The following EPHB3 variants were observed in gnomAD, a reference collection of about 807,000 sequenced individuals.
EPHB3 encodes EPH receptor B3.
A neutral mutation model predicts 100.2 loss-of-function variants in EPHB3; 33 were observed. The ratio of observed to expected loss-of-function variants is 0.33; its 90% CI spans 0.25 to 0.44. The LOEUF is 0.44. Ranked by LOEUF, EPHB3 falls within the 20% of genes least tolerant of loss-of-function variation. The pLI is 1.00. For missense variants in EPHB3, 1,045 were observed against 1,378.3 expected (o/e 0.76, Z 3.83); for synonymous variants, 526 against 554.7 (o/e 0.95, Z 0.73).
chr3:184,575,277 C>G, intron 3 of EPHB3: 1 of 972,662 alleles, frequency 1.0e-6, no homozygotes, highest in Non-Finnish European at 1.2e-6. Flanking sequence ...TTTCTCTCCT[C>G]CTCTCACCCG....
intron 1 of EPHB3, among the ~76,000 whole-genome samples, chr3:184,567,818 C>T (rs779358503): frequency 7.2e-5 from 11 of 152,116 alleles, no homozygotes; most frequent in Non-Finnish European, 1.5e-4. Flanking sequence ...CCTCTGTGTG[C>T]GCATATGTTT....
At position 184,562,286 on chromosome 3, in the gene EPHB3, G is replaced by T; in HGVS notation, c.51G>T (p.Leu17=). The change falls in exon 1 of 16, where the codon CTG becomes CTT. Residue 17 remains leucine (L), a synonymous_variant. Transcript: ENST00000330394. This position sits in a 1 kb window ranked among gnomAD's most constrained non-coding sequence, Gnocchi z 4.8. ...CGCCGTCGCCGCCGCCGGGGCTTCTGCCGCTGCTCCCTCCGCTGCTGCTGC... is the reference window on the plus strand; with the variant it reads ...CGCCGTCGCCGCCGCCGGGGCTTCTTCCGCTGCTCCCTCCGCTGCTGCTGC... ...PPPPSPPPGL[L]PLLPPLLLLP... 8.1e-7 allele frequency: 1 copy of T among 1,231,378 alleles called. No individual in the cohort carries two copies. The highest frequency in any genetic ancestry group is 1.0e-6 in the Non-Finnish European group (1 of 983,650). The allele number at this position is 1,231,378 out of a possible 1,614,324, so 76.3% of individuals were successfully genotyped here.
chr3:184,573,341 G>A lies in EPHB3; in HGVS notation c.856+165G>A, dbSNP rs1714590249. ...GTGGGGATCAGATGCAGAGAATGTT[G>A]TGTAAGGAGGGAGAAGAGAGAGAAA... On this transcript the variant is annotated intron_variant, in intron 3 of 15. Transcript: ENST00000330394. This position sits in a 1 kb window ranked among gnomAD's most constrained non-coding sequence, Gnocchi z 4.5. Among the ~76,000 whole-genome samples the A allele has an allele frequency of 6.6e-6, 1 of 152,096 alleles. No individual in the cohort carries two copies. The highest frequency in any genetic ancestry group is 1.5e-5 in the Non-Finnish European group (1 of 68,030).
At chr3:184,575,693 C>T (rs963713481) in intron 3 of EPHB3, 137 bp from the exon 4 acceptor site, 4 of 1,146,862 alleles carry the variant, frequency 3.5e-6, no homozygotes, top group Non-Finnish European at 4.7e-6. Context: ...TTAGGCAATC[C>T]CAGCATTGCC....
In EPHB3 at chr3:184,563,430, C is replaced by T. The variant is rs577999413; in HGVS notation, c.118+1077C>T. Among the ~76,000 whole-genome samples the T allele has an allele frequency of 4.6e-5, 7 of 152,170 alleles. No homozygotes were observed. The South Asian group carries it at 1.2e-3, about 27-fold the overall frequency. ...TCTAGTTACTTTCTTAGTTTAGGAACGAAAACACGAACTCTGTGGAACTTG... is the reference window on the plus strand; with the variant it reads ...TCTAGTTACTTTCTTAGTTTAGGAATGAAAACACGAACTCTGTGGAACTTG... On this transcript the variant is annotated intron_variant, in intron 1 of 15. Transcript: ENST00000330394. This position sits in a 1 kb window ranked among gnomAD's most constrained non-coding sequence, Gnocchi z 4.1.
chr3:184,581,425 T>C lies in EPHB3; in HGVS notation c.2888+17T>C. 1 of 1,583,078 alleles carries C rather than the reference T, an allele frequency of 6.3e-7. No individual in the cohort carries two copies. Among genetic ancestry groups the C allele is most frequent in the East Asian group, 2.2e-5 (1 of 44,606 alleles). The stretch of plus-strand genomic sequence containing the variant: ...GACGGCAGAGTAAGTGTGCCTCAGA[T>C]TTGGAGGAGCAGGGCAGGGGGCCCT... On this transcript the variant is annotated intron_variant, in intron 15 of 15. Transcript: ENST00000330394.
In EPHB3 at chr3:184,580,964, C is replaced by G; in HGVS notation, c.2539-8C>G. On this transcript the variant is annotated splice_region_variant and splice_polypyrimidine_tract_variant and intron_variant, in intron 13 of 15. Transcript: ENST00000330394. ...GGCTCACTCAGGGTTTCCCTGCCTT[C>G]GGCCCAGGTCATCAATGCCGTGGAG... The G allele has an allele frequency of 6.2e-7, 1 of 1,608,732 alleles. No individual in the cohort carries two copies. Among genetic ancestry groups the G allele is most frequent in the Non-Finnish European group, 8.5e-7 (1 of 1,175,816 alleles).
rs768778880 is a variant in EPHB3 at position 184,576,940 on chromosome 3, C to G, written c.1111C>G (p.Leu371Val). 1 of 1,609,680 alleles carries G rather than the reference C, an allele frequency of 6.2e-7. No homozygotes were observed. The highest frequency in any genetic ancestry group is 8.5e-7 in the Non-Finnish European group (1 of 1,176,872). The change falls in exon 5 of 16, where the codon CTC (leucine) becomes GTC (valine). Residue 371 changes from leucine (L) to valine (V), a missense_variant. Physicochemically the swap from Leu to Val is conservative, Grantham distance 32. Transcript: ENST00000330394. ...CCGGGACCTGGGTGGCCGGGATGACCTCCTGTACAATGTCATCTGCAAGAA... is the reference window on the plus strand; with the variant it reads ...CCGGGACCTGGGTGGCCGGGATGACGTCCTGTACAATGTCATCTGCAAGAA... ...EPRDLGGRDDLLYNVICKKCH... is the reference protein window; with the variant it reads ...EPRDLGGRDDVLYNVICKKCH...
chr3:184,573,716 CTT>C lies in EPHB3; in HGVS notation c.856+557_856+558del, dbSNP rs67295730. 5.2e-4 allele frequency among the ~76,000 whole-genome samples: 72 copies of C among 138,526 alleles called. No homozygotes were observed. The highest frequency in any genetic ancestry group is 6.9e-4 in the South Asian group (3 of 4,354). The allele number at this position is 138,526 out of a possible 152,430, so 90.9% of individuals were successfully genotyped here. On this transcript the variant is annotated intron_variant, in intron 3 of 15. Coordinates refer to ENST00000330394, the MANE Select transcript of EPHB3 (RefSeq NM_004443.4). The surrounding 1 kb of genome is among the most constrained non-coding windows in gnomAD (Gnocchi z 4.5). ...CACTTACGTGACCTTGGGCAAGTTACTTTTTTTTTTTTTTTTTTGAGATGGAG... is the reference window on the plus strand; with the variant it reads ...CACTTACGTGACCTTGGGCAAGTTACTTTTTTTTTTTTTTTTGAGATGGAG...
In EPHB3 at chr3:184,578,367, G is replaced by A. The variant is rs1487110952; in HGVS notation, c.1749-47G>A. 1 of 1,613,316 alleles carries A rather than the reference G, an allele frequency of 6.2e-7. No homozygotes were observed. Among genetic ancestry groups the A allele is most frequent in the Non-Finnish European group, 8.5e-7 (1 of 1,179,722 alleles). On this transcript the variant is annotated intron_variant, in intron 8 of 15. Transcript: ENST00000330394. This position sits in a 1 kb window ranked among gnomAD's most constrained non-coding sequence, Gnocchi z 4.7. Reference sequence around the variant, plus strand: ...CCCAAGGGTGCCCTGAACAAAGGGAGGCAGATGACTTGTCTCAGGCCTGCC... The same window carrying A: ...CCCAAGGGTGCCCTGAACAAAGGGAAGCAGATGACTTGTCTCAGGCCTGCC...
In EPHB3 at chr3:184,569,273, G is replaced by T. The variant is rs1479924652; in HGVS notation, c.119-2045G>T. On this transcript the variant is annotated intron_variant, in intron 1 of 15. Coordinates refer to ENST00000330394, the MANE Select transcript of EPHB3 (RefSeq NM_004443.4). The surrounding 1 kb of genome is among the most constrained non-coding windows in gnomAD (Gnocchi z 5.4). Reference sequence around the variant, plus strand: ...GCCGGCTCCCGGGACTGACACTCGCGCTGCCGGCTGGGGACGAGGCCGCCT... The same window carrying T: ...GCCGGCTCCCGGGACTGACACTCGCTCTGCCGGCTGGGGACGAGGCCGCCT... Among the ~76,000 whole-genome samples the T allele has an allele frequency of 6.6e-6, 1 of 151,954 alleles. No individual in the cohort carries two copies. The highest frequency in any genetic ancestry group is 2.4e-5 in the African/African-American group (1 of 41,376).
chr3:184,579,352 G>A lies in EPHB3; in HGVS notation c.1802-125G>A, dbSNP rs1190635673. 7.0e-7 allele frequency: 1 copy of A among 1,427,344 alleles called. No homozygotes were observed. The highest frequency in any genetic ancestry group is 1.4e-5 in the African/African-American group (1 of 70,432). 88.4% of individuals were successfully genotyped at this position (1,427,344 alleles called of 1,614,324 possible). A position where few individuals can be genotyped will look rare whatever the true frequency, so the allele number is the denominator to read the frequency against. On this transcript the variant is annotated intron_variant, in intron 9 of 15. Coordinates refer to ENST00000330394, the MANE Select transcript of EPHB3 (RefSeq NM_004443.4). The surrounding 1 kb of genome is among the most constrained non-coding windows in gnomAD (Gnocchi z 5.2). ...ACCAGGAGTTCTCATGGGAGCTGGA[G>A]GATTAGGGCAGCAACACAGAGGAAT... is the stretch of plus-strand genomic sequence containing the variant.
chr3:184,565,533 C>T lies in EPHB3; in HGVS notation c.118+3180C>T, dbSNP rs1714363253. On this transcript the variant is annotated intron_variant, in intron 1 of 15. Transcript: ENST00000330394. This position sits in a 1 kb window ranked among gnomAD's most constrained non-coding sequence, Gnocchi z 4.8. Reference sequence around the variant, plus strand: ...GTGGGGCCAGCACGTCCCCCTCCAGCCAAGCCTTGGTAGCTGAGTTGTCAC... The same window carrying T: ...GTGGGGCCAGCACGTCCCCCTCCAGTCAAGCCTTGGTAGCTGAGTTGTCAC... Among the ~76,000 whole-genome samples the T allele has an allele frequency of 6.6e-6, 1 of 152,178 alleles. No homozygotes were observed. The highest frequency in any genetic ancestry group is 6.5e-5 in the Admixed American group (1 of 15,286).
Position 184,576,934 on chromosome 3 carries a change from G to T in EPHB3, c.1105G>T (p.Asp369Tyr). ...TGAGCCCCGGGACCTGGGTGGCCGG[G>T]ATGACCTCCTGTACAATGTCATCTG... ...WSEPRDLGGR[D>Y]DLLYNVICKK... is the part of the protein sequence containing the mutation. Residue 369 changes from aspartate (D) to tyrosine (Y), a missense_variant, in exon 5 of 16, where the codon GAT becomes TAT. Around this residue, in one of 2 missense-constraint regions of EPHB3, gnomAD observed 985 missense variants for 1,331.1 expected, o/e 0.74. Coordinates refer to ENST00000330394, the MANE Select transcript of EPHB3 (RefSeq NM_004443.4). 5.6e-6 allele frequency: 9 copies of T among 1,603,414 alleles called. No individual in the cohort carries two copies. The highest frequency in any genetic ancestry group is 7.7e-6 in the Non-Finnish European group (9 of 1,172,084).
chr3:184,572,642 G>C lies in EPHB3; in HGVS notation c.322G>C (p.Glu108Gln), dbSNP rs1714569288. Residue 108 changes from glutamate to glutamine, a missense_variant, in exon 3 of 16, where the codon GAG becomes CAG. By Grantham distance (29) the Glu-to-Gln change is conservative. Transcript: ENST00000330394. This position sits in a 1 kb window ranked among gnomAD's most constrained non-coding sequence, Gnocchi z 6.6. ...WRRDVQRVYV[E>Q]LKFTVRDCNS... is the part of the protein sequence containing the mutation. ...GCGGGATGTGCAGCGGGTCTACGTG[G>C]AGCTCAAGTTCACTGTGCGTGACTG... The C allele has an allele frequency of 9.6e-6, 15 of 1,567,518 alleles. No homozygotes were observed. Among genetic ancestry groups the C allele is most frequent in the Non-Finnish European group, 1.3e-5 (15 of 1,159,064 alleles).
Position 184,582,277 on chromosome 3 carries a change from T to C in EPHB3, c.*655T>C, listed in dbSNP as rs1139563. 0.036 allele frequency: 2,189 copies of C among 60,206 alleles called. 10 individuals carry two copies. The highest frequency in any genetic ancestry group is 0.11 in the African/African-American group (906 of 8,444). The allele number at this position is 60,206 out of a possible 1,614,324, so 3.7% of individuals were successfully genotyped here. A position where few individuals can be genotyped will look rare whatever the true frequency, so the allele number is the denominator to read the frequency against. On this transcript the variant is annotated 3_prime_UTR_variant, in exon 16 of 16. Coordinates refer to ENST00000330394, the MANE Select transcript of EPHB3 (RefSeq NM_004443.4). ...GAGTGTGTGTGTGTGTGTGTGTGTG[T>C]GCGCGCGCGCGCGCGTGTGTGTGTG...
chr3:184,577,008 T>A lies in EPHB3; in HGVS notation c.1179T>A (p.Asp393Glu). ...GGGCCTCAGCCTGCTCACGCTGTGATGACAACGTGGAGTTTGTGCCTCGGC... is the reference window on the plus strand; with the variant it reads ...GGGCCTCAGCCTGCTCACGCTGTGAAGACAACGTGGAGTTTGTGCCTCGGC... ...AGGASACSRCDDNVEFVPRQL... is the reference protein window; with the variant it reads ...AGGASACSRCEDNVEFVPRQL... Residue 393 changes from aspartate to glutamate, a missense_variant, in exon 5 of 16, where the codon GAT becomes GAA. Physicochemically the swap from Asp to Glu is conservative, Grantham distance 45 (BLOSUM62 2). Coordinates refer to ENST00000330394, the MANE Select transcript of EPHB3 (RefSeq NM_004443.4). The surrounding 1 kb of genome is among the most constrained non-coding windows in gnomAD (Gnocchi z 4.9). The A allele has an allele frequency of 1.2e-6, 2 of 1,614,012 alleles. No homozygotes were observed. The highest frequency in any genetic ancestry group is 1.7e-6 in the Non-Finnish European group (2 of 1,180,016).
At chr3:184,567,108 G>A (rs1044026209) in intron 1 of EPHB3, among the ~76,000 whole-genome samples, 1 of 152,170 alleles carries the variant, frequency 6.6e-6, no homozygotes, top group Admixed American at 6.5e-5. Flanking sequence ...GGGCTCAGGG[G>A]CCCTGGAGAC....
In EPHB3 at chr3:184,578,606, C is replaced by T. The variant is rs1714743816; in HGVS notation, c.1801+140C>T. ...CCCACTTCCAGTCAAGTGGCATTTCCTGACCCCTATCTCACTCCGGGTACC... is the reference window on the plus strand; with the variant it reads ...CCCACTTCCAGTCAAGTGGCATTTCTTGACCCCTATCTCACTCCGGGTACC... On this transcript the variant is annotated intron_variant, in intron 9 of 15. Transcript: ENST00000330394. This position sits in a 1 kb window ranked among gnomAD's most constrained non-coding sequence, Gnocchi z 4.7. 5 of 1,126,922 alleles carry T rather than the reference C, an allele frequency of 4.4e-6. No individual in the cohort carries two copies. In the East Asian group the frequency reaches 1.0e-4, roughly 23 times the overall value. 69.8% of individuals were successfully genotyped at this position (1,126,922 alleles called of 1,614,324 possible).
Sources: allele counts gnomAD v4.1 joint callset (sites outside exome capture counted in the v4.1 genomes callset), GRCh38; gene constraint gnomAD v4.1.1; regional missense constraint gnomAD v4.1.1; non-coding constraint Gnocchi (gnomAD v3.1); transcripts MANE v1.5; gene names NCBI Gene and HGNC (gene_info 2026-07-23, HGNC 2026-07-21).